The following EYS variants were observed in gnomAD, a reference collection of about 807,000 sequenced individuals.
The protein encoded by EYS is EGF-like photoreceptor maintenance factor, also known as protein eyes shut homolog.
EYS carries 250 observed loss-of-function variants against 282.1 expected under a neutral mutation model. The observed-to-expected ratio is 0.89, with a 90% CI of 0.80 to 0.98. The LOEUF is 0.98. EYS is among the 50% of genes least tolerant of loss of function. The pLI, the probability that EYS is intolerant of heterozygous loss-of-function variation, is 0.00. For missense variants in EYS, 4,016 were observed against 3,709.0 expected, an observed-to-expected ratio of 1.08 and a Z score of -2.15; for synonymous variants, 1,355 against 1,282.9, an observed-to-expected ratio of 1.06 and a Z score of -1.20.
intron 26 of EYS, among the ~76,000 whole-genome samples, chr6:64,464,583 A>G (rs1775856196): frequency 6.6e-6 from 1 of 152,136 alleles, no homozygotes; most frequent in Non-Finnish European, 1.5e-5. Flanking sequence ...TAACAAACAA[A>G]TTCAGCAAAT....
intron 12 of EYS, among the ~76,000 whole-genome samples, chr6:65,136,416 A>G (rs1776024115): frequency 6.6e-6 from 1 of 151,946 alleles, no homozygotes; most frequent in South Asian, 2.1e-4. Flanking sequence ...TTATAGTTAG[A>G]ATTATTTCTA....
At chr6:65,211,588 T>C (rs1766177394) in intron 12 of EYS, among the ~76,000 whole-genome samples, 1 of 152,028 alleles carries the variant, frequency 6.6e-6, no homozygotes, top group Non-Finnish European at 1.5e-5. Context: ...CTAACTCTGA[T>C]TTTCAACCAA....
At chr6:64,094,762 G>T (rs968613872) in intron 31 of EYS, among the ~76,000 whole-genome samples, 2 of 151,982 alleles carry the variant, frequency 1.3e-5, no homozygotes, top group African/African-American at 4.8e-5. Context: ...CTTCAGTTCT[G>T]CTCTGATCTC....
At chr6:64,637,010 T>A (rs1250480570) in intron 22 of EYS, among the ~76,000 whole-genome samples, 1 of 114,516 alleles carries the variant, frequency 8.7e-6, no homozygotes, top group East Asian at 2.2e-4. Flanking sequence ...GTAAACTAGT[T>A]CAACCATTGT....
At chr6:64,873,273 C>T (rs1766648887) in intron 19 of EYS, among the ~76,000 whole-genome samples, 1 of 152,066 alleles carries the variant, frequency 6.6e-6, no homozygotes, top group Non-Finnish European at 1.5e-5. Flanking sequence ...GACTTATTCA[C>T]TATCATGAGA....
intron 2 of EYS, among the ~76,000 whole-genome samples, chr6:65,509,555 G>GT (rs1042841048): frequency 1.4e-4 from 21 of 152,008 alleles, no homozygotes; most frequent in African/African-American, 4.3e-4. Flanking sequence ...TGTTATTTGG[G>GT]TTTTTTGTTT....
At chr6:65,324,022 T>C (rs1352038129) in intron 11 of EYS, among the ~76,000 whole-genome samples, 4 of 152,164 alleles carry the variant, frequency 2.6e-5, no homozygotes, top group African/African-American at 9.6e-5. Context: ...CAGCTTGACA[T>C]GTTCCTACCT....
At chr6:64,706,736 G>A (rs1470646314) in intron 22 of EYS, among the ~76,000 whole-genome samples, 2 of 151,936 alleles carry the variant, frequency 1.3e-5, no homozygotes, top group African/African-American at 4.8e-5. Flanking sequence ...TAATGATCAG[G>A]AAAATGCAAA....
At chr6:64,178,999 T>C (rs1384760107) in intron 31 of EYS, among the ~76,000 whole-genome samples, 2 of 152,002 alleles carry the variant, frequency 1.3e-5, no homozygotes, top group Non-Finnish European at 2.9e-5. Flanking sequence ...AATAGTCAGC[T>C]TTTAGAATTA....
At position 64,142,785 on chromosome 6, in the gene EYS, G is replaced by A. The variant is rs143098979; in HGVS notation, c.6425-60783C>T. ...TGAGAGCCTAAATTAGTTTAATGGTGGTATGGGAAGGCAGTAGAAGTGAAT... is the reference window on the plus strand; with the variant it reads ...TGAGAGCCTAAATTAGTTTAATGGTAGTATGGGAAGGCAGTAGAAGTGAAT... On this transcript the variant is annotated intron_variant, in intron 31 of 42. Coordinates refer to ENST00000503581, the MANE Select transcript of EYS (RefSeq NM_001142800.2). Among the ~76,000 whole-genome samples the A allele has an allele frequency of 5.2e-3, 795 of 152,202 alleles. 4 individuals are homozygous for A. The highest frequency in any genetic ancestry group is 8.3e-3 in the Non-Finnish European group (562 of 68,016).
chr6:64,864,413 A>ATTTT (rs1269005878), intron 19 of EYS, among the ~76,000 whole-genome samples: 1 of 38,904 alleles, frequency 2.6e-5, no homozygotes, highest in Non-Finnish European at 6.8e-5. Flanking sequence ...TTTTGACAGA[A>ATTTT]TCTTGCTCTG....
At chr6:63,950,213 A>C (rs1051597969) in intron 35 of EYS, among the ~76,000 whole-genome samples, 1 of 151,812 alleles carries the variant, frequency 6.6e-6, no homozygotes, top group African/African-American at 2.4e-5. Flanking sequence ...AAAACAAAAA[A>C]AACAAAACCT....
At chr6:64,547,270 C>T (rs576357685) in intron 26 of EYS, among the ~76,000 whole-genome samples, 1 of 152,264 alleles carries the variant, frequency 6.6e-6, no homozygotes, top group South Asian at 2.1e-4. Flanking sequence ...TGCTTTTATT[C>T]TCTTATCTGG....
At chr6:65,585,656 T>A (rs994821238) in intron 2 of EYS, among the ~76,000 whole-genome samples, 1 of 151,956 alleles carries the variant, frequency 6.6e-6, no homozygotes, top group African/African-American at 2.4e-5. Context: ...GAAGACAATT[T>A]TAAACATCTT....
In EYS at chr6:64,267,739, C is replaced by T. The variant is rs191809381; in HGVS notation, c.6192-36915G>A. Reference sequence around the variant, plus strand: ...ACAGAGGGAATCAATATAAATTAACCAAAAAGCCAATGAAAAAATAACCAA... The same window carrying T: ...ACAGAGGGAATCAATATAAATTAACTAAAAAGCCAATGAAAAAATAACCAA... On this transcript the variant is annotated intron_variant, in intron 30 of 42. Coordinates refer to ENST00000503581, the MANE Select transcript of EYS (RefSeq NM_001142800.2). Among the ~76,000 whole-genome samples the T allele has an allele frequency of 4.6e-5, 7 of 151,804 alleles. No individual in the cohort carries two copies. In the East Asian group the frequency reaches 1.4e-3, roughly 29 times the overall value.
chr6:65,696,773 T>C (rs896381530), intron 1 of EYS, among the ~76,000 whole-genome samples: 1 of 152,144 alleles, frequency 6.6e-6, no homozygotes, highest in South Asian at 2.1e-4. Flanking sequence ...GTAAATAAAA[T>C]ATTAAACTTT....
At chr6:65,523,574 T>C (rs1160495302) in intron 2 of EYS, among the ~76,000 whole-genome samples, 1 of 152,202 alleles carries the variant, frequency 6.6e-6, no homozygotes, top group Non-Finnish European at 1.5e-5. Context: ...GTTGCAGCTA[T>C]GTAGGATGAA....
At chr6:64,452,549 A>C (rs1775393326) in intron 26 of EYS, among the ~76,000 whole-genome samples, 1 of 152,180 alleles carries the variant, frequency 6.6e-6, no homozygotes, top group Non-Finnish European at 1.5e-5. Flanking sequence ...CCGCATTGCC[A>C]AGTCAATCCT....
At chr6:64,439,402 A>G (rs1403348807) in intron 26 of EYS, 50 bp from the exon 27 acceptor site, 2 of 1,232,080 alleles carry the variant, frequency 1.6e-6, no homozygotes, top group Non-Finnish European at 2.2e-6. Context: ...AATATTCAAT[A>G]CCTAGGTTTC....
Sources: allele counts gnomAD v4.1 joint callset (sites outside exome capture counted in the v4.1 genomes callset), GRCh38; gene constraint gnomAD v4.1.1; transcripts MANE v1.5; gene names NCBI Gene and HGNC (gene_info 2026-07-23, HGNC 2026-07-21).